PDXP: variants seen among roughly 807,000 people sequenced by gnomAD.
The protein encoded by PDXP is chronophin.
Under a neutral mutation model 14.4 loss-of-function variants are expected in PDXP, and 15 were observed. The ratio of observed to expected loss-of-function variants is 1.04; its 90% CI spans 0.70 to 1.60. The LOEUF (loss-of-function observed/expected upper bound fraction) is 1.60. Among genes scored for constraint, PDXP ranks in the 40% most tolerant of loss-of-function variants. PDXP has a pLI of 0.00. For missense variants in PDXP, 413 were observed against 427.6 expected (o/e 0.97, Z 0.30); for synonymous variants, 233 against 205.6 (o/e 1.13, Z -1.14).
Position 37,659,287 on chromosome 22 carries a change from C to G in PDXP, c.505C>G (p.Pro169Ala). ...GGAGGCGTGCGCGCACCTGCGCGAC[C>G]CCGAGTGCCTACTCGTGGCCACCGA... ...LREACAHLRD[P>A]ECLLVATDRD... The change falls in exon 1 of 2, where the codon CCC becomes GCC. Residue 169 changes from proline to alanine, a missense_variant. Pro to Ala is a conservative substitution (Grantham distance 27). Coordinates refer to ENST00000215904, the MANE Select transcript of PDXP (RefSeq NM_020315.5). The G allele has an allele frequency of 7.6e-7, 1 of 1,314,938 alleles. No individual in the cohort carries two copies. Among genetic ancestry groups the G allele is most frequent in the Non-Finnish European group, 9.7e-7 (1 of 1,028,252 alleles). 81.5% of individuals were successfully genotyped at this position (1,314,938 alleles called of 1,614,324 possible). A position where few individuals can be genotyped will look rare whatever the true frequency, so the allele number is the denominator to read the frequency against.
intron 1 of PDXP, among the ~76,000 whole-genome samples, chr22:37,662,638 G>T: frequency 6.6e-6 from 1 of 152,210 alleles, no homozygotes. Flanking sequence ...AGAGGCTAGT[G>T]TGGTTCAGTA....
At chr22:37,661,917 A>ATTTTTTTTTTTTTTTTTTTTT (rs763030330) in intron 1 of PDXP, among the ~76,000 whole-genome samples, 1 of 71,188 alleles carries the variant, frequency 1.4e-5, no homozygotes, top group Non-Finnish European at 2.6e-5. Flanking sequence ...TTTTTCTTTA[A>ATTTTTTTTTTTTTTTTTTTTT]TTTTTTTTTT....
At position 37,665,986 on chromosome 22, in the gene PDXP, C is replaced by G; in HGVS notation, c.*115C>G. The G allele has an allele frequency of 6.2e-6, 7 of 1,126,536 alleles. No individual in the cohort carries two copies. The highest frequency in any genetic ancestry group is 8.9e-6 in the Non-Finnish European group (7 of 789,674). The allele number at this position is 1,126,536 out of a possible 1,614,324, so 69.8% of individuals were successfully genotyped here. On this transcript the variant is annotated 3_prime_UTR_variant, in exon 2 of 2. Transcript: ENST00000215904. The stretch of plus-strand genomic sequence containing the variant: ...ACCGGCTCCTTGGTCCAGTTCTGCA[C>G]CGGGGTGGGGCTGGGACCCGGGGAA...
rs1030388488 is a variant in PDXP at position 37,665,923 on chromosome 22, T to C, written c.*52T>C. On this transcript the variant is annotated 3_prime_UTR_variant, in exon 2 of 2. Transcript: ENST00000215904. ...CACCCCTCCCCACTCCCTGATCCCG[T>C]AGGTGGAGGCGATGGGTCACGAGCC... 1.3e-6 allele frequency: 2 copies of C among 1,535,022 alleles called. No homozygotes were observed. Among genetic ancestry groups the C allele is most frequent in the Non-Finnish European group, 1.8e-6 (2 of 1,119,370 alleles).
Position 37,666,631 on chromosome 22 carries a change from G to C in PDXP, c.*760G>C, listed in dbSNP as rs8142832. The C allele has an allele frequency of 1.8e-5, 3 of 167,088 alleles. No individual in the cohort carries two copies. The highest frequency in any genetic ancestry group is 4.4e-5 in the Non-Finnish European group (3 of 68,166). 10.4% of individuals were successfully genotyped at this position (167,088 alleles called of 1,614,324 possible). A position where few individuals can be genotyped will look rare whatever the true frequency, so the allele number is the denominator to read the frequency against. ...CAGTCAGTAAATAAGAGTGGTCCAC[G>C]TCCTAAAGACACCTCTCCTTTACAA... On this transcript the variant is annotated 3_prime_UTR_variant, in exon 2 of 2. Coordinates refer to ENST00000215904, the MANE Select transcript of PDXP (RefSeq NM_020315.5).
At chr22:37,659,493 G>A in intron 1 of PDXP, 137 bp downstream of exon 1, 1 of 573,102 alleles carries the variant, frequency 1.7e-6, no homozygotes, top group Non-Finnish European at 2.6e-6. Context: ...GGCCCAGGGT[G>A]CTTTGGTGTG....
At chr22:37,660,834 A>C (rs1933188191) in intron 1 of PDXP, among the ~76,000 whole-genome samples, 1 of 152,162 alleles carries the variant, frequency 6.6e-6, no homozygotes, top group African/African-American at 2.4e-5. Flanking sequence ...GGCATGATGC[A>C]GGGCAGTGAT....
chr22:37,662,246 G>A (rs1933221125), intron 1 of PDXP, among the ~76,000 whole-genome samples: 3 of 152,194 alleles, frequency 2.0e-5, no homozygotes, highest in African/African-American at 7.2e-5. Flanking sequence ...GTGAGCCTGG[G>A]AAGTTTCTCT....
intron 1 of PDXP, among the ~76,000 whole-genome samples, chr22:37,664,667 A>C (rs1287167456): frequency 6.6e-6 from 1 of 152,268 alleles, no homozygotes; most frequent in Non-Finnish European, 1.5e-5. Flanking sequence ...TCATTTGTTC[A>C]GGGACATTAG....
In PDXP at chr22:37,658,763, G is replaced by A; in HGVS notation, c.-20G>A. 1 of 1,156,918 alleles carries A rather than the reference G, an allele frequency of 8.6e-7. No individual in the cohort carries two copies. Among genetic ancestry groups the A allele is most frequent in the Non-Finnish European group, 1.1e-6 (1 of 939,552 alleles). The allele number at this position is 1,156,918 out of a possible 1,614,324, so 71.7% of individuals were successfully genotyped here. A position where few individuals can be genotyped will look rare whatever the true frequency, so the allele number is the denominator to read the frequency against. ...CCGCGGAGAGAGCGCGGCGCGGGAG[G>A]CCGGCGGCCGGCCGGCTGCATGGCG... is the stretch of plus-strand genomic sequence containing the variant. On this transcript the variant is annotated 5_prime_UTR_variant, in exon 1 of 2. Transcript: ENST00000215904.
In PDXP at chr22:37,659,322, A is replaced by G. The variant is rs375352966; in HGVS notation, c.540A>G (p.Pro180=). 1.0e-4 allele frequency: 136 copies of G among 1,303,046 alleles called. No individual in the cohort carries two copies. Among genetic ancestry groups the G allele is most frequent in the Middle Eastern group, 6.3e-4 (3 of 4,758 alleles). 80.7% of individuals were successfully genotyped at this position (1,303,046 alleles called of 1,614,324 possible). A position where few individuals can be genotyped will look rare whatever the true frequency, so the allele number is the denominator to read the frequency against. The stretch of plus-strand genomic sequence containing the variant: ...TACTCGTGGCCACCGACCGTGACCC[A>G]TGGCACCCGCTGAGCGACGGCAGCC... ...ECLLVATDRD[P]WHPLSDGSRT... is the part of the protein sequence containing the mutation. The change falls in exon 1 of 2, where the codon CCA becomes CCG. Residue 180 remains proline, a synonymous_variant. Transcript: ENST00000215904.
At chr22:37,659,967 C>A (rs1054419580) in intron 1 of PDXP, among the ~76,000 whole-genome samples, 4 of 151,406 alleles carry the variant, frequency 2.6e-5, no homozygotes, top group Admixed American at 6.6e-5. Flanking sequence ...TGTGTGTGTT[C>A]TTCTTTGGTT....
rs1245484473 is a variant in PDXP, at chr22:37,658,776, C to CGGCT, written c.-5_-2dup. 1.7e-6 allele frequency: 2 copies of CGGCT among 1,166,312 alleles called. No homozygotes were observed. The highest frequency in any genetic ancestry group is 1.1e-6 in the Non-Finnish European group (1 of 945,922). The allele number at this position is 1,166,312 out of a possible 1,614,324, so 72.2% of individuals were successfully genotyped here. ...GCGGCGCGGGAGGCCGGCGGCCGGC[C>CGGCT]GGCTGCATGGCGCGCTGCGAGAGGC... On this transcript the variant is annotated 5_prime_UTR_variant, in exon 1 of 2. Transcript: ENST00000215904.
At chr22:37,664,618 C>A (rs1183839881) in intron 1 of PDXP, among the ~76,000 whole-genome samples, 1 of 152,186 alleles carries the variant, frequency 6.6e-6, no homozygotes, top group East Asian at 1.9e-4. Context: ...CAGCACAGGC[C>A]AGGCAGTTTA....
Position 37,659,193 on chromosome 22 carries a change from C to T in PDXP, c.411C>T (p.Asp137=), listed in dbSNP as rs756729680. ...TGGCCGGGGACCCGAGCGCGGGGGA[C>T]GGCGCGGCCCCGCGCGTGCGCGCCG... ...LRLAGDPSAG[D]GAAPRVRAVL... The change falls in exon 1 of 2, where the codon GAC becomes GAT. Residue 137 remains aspartate (D), a synonymous_variant. Coordinates refer to ENST00000215904, the MANE Select transcript of PDXP (RefSeq NM_020315.5). The T allele has an allele frequency of 4.1e-6, 5 of 1,218,058 alleles. No individual in the cohort carries two copies. In the South Asian group the frequency reaches 1.9e-4, roughly 47 times the overall value. 75.5% of individuals were successfully genotyped at this position (1,218,058 alleles called of 1,614,324 possible).
At chr22:37,664,457 ACAATCTGTACTCC>A (rs1449681992) in intron 1 of PDXP, among the ~76,000 whole-genome samples, 1 of 152,182 alleles carries the variant, frequency 6.6e-6, no homozygotes, top group Non-Finnish European at 1.5e-5. Context: ...TGCATAGGAA[ACAATCTGTACTCC>A]CAGGTCAGAG....
rs1921073185 is a variant in PDXP at position 37,666,079 on chromosome 22, C to T, written c.*208C>T. ...ACTCTTTGCTGCCCCAGAAGCTGGTCCCCTATGGATTCATCTTGGCCTGAC... is the reference window on the plus strand; with the variant it reads ...ACTCTTTGCTGCCCCAGAAGCTGGTTCCCTATGGATTCATCTTGGCCTGAC... On this transcript the variant is annotated 3_prime_UTR_variant, in exon 2 of 2. Coordinates refer to ENST00000215904, the MANE Select transcript of PDXP (RefSeq NM_020315.5). 1 of 618,502 alleles carries T rather than the reference C, an allele frequency of 1.6e-6. No individual in the cohort carries two copies. The allele number at this position is 618,502 out of a possible 1,614,324, so 38.3% of individuals were successfully genotyped here. A position where few individuals can be genotyped will look rare whatever the true frequency, so the allele number is the denominator to read the frequency against.
intron 1 of PDXP, among the ~76,000 whole-genome samples, chr22:37,659,860 G>A (rs1293494489): frequency 6.6e-6 from 1 of 152,176 alleles, no homozygotes; most frequent in Non-Finnish European, 1.5e-5. Context: ...GCCCGGTGAC[G>A]GTGATCAGGG....
intron 1 of PDXP, among the ~76,000 whole-genome samples, chr22:37,660,695 C>T (rs1413779267): frequency 2.0e-5 from 3 of 152,122 alleles, no homozygotes; most frequent in Admixed American, 6.5e-5. Flanking sequence ...GCCACTGACC[C>T]GGACAGTCAT....
Sources: allele counts gnomAD v4.1 joint callset (sites outside exome capture counted in the v4.1 genomes callset), GRCh38; gene constraint gnomAD v4.1.1; transcripts MANE v1.5; gene names NCBI Gene and HGNC (gene_info 2026-07-23, HGNC 2026-07-21).